Variants in PTPRD observed in about 807,000 individuals in gnomAD.
PTPRD encodes receptor-type tyrosine-protein phosphatase delta.
PTPRD carries 34 observed loss-of-function variants against 214.5 expected under a neutral mutation model. That is an observed-to-expected ratio of 0.16 (90% CI 0.12 to 0.21). The LOEUF (loss-of-function observed/expected upper bound fraction) is 0.21. PTPRD is among the 10% of genes least tolerant of loss of function. The pLI is 1.00. For missense variants in PTPRD, 2,545 were observed against 2,398.7 expected (o/e 1.06, Z -1.27); for synonymous variants, 1,128 against 845.7 (o/e 1.33, Z -5.79).
chr9:9,972,724 A>T (rs1306023987), intron 4 of PTPRD, among the ~76,000 whole-genome samples: 1 of 151,972 alleles, frequency 6.6e-6, no homozygotes, highest in African/African-American at 2.4e-5. Flanking sequence ...CCATTTCCTT[A>T]CCTTTTTCAG....
Position 8,674,456 on chromosome 9 carries a change from C to CA in PTPRD, c.65-37613dup, listed in dbSNP as rs57588808. Among the ~76,000 whole-genome samples the CA allele has an allele frequency of 6.0e-3, 377 of 62,334 alleles. 29 individuals carry two copies. The highest frequency in any genetic ancestry group is 9.7e-3 in the African/African-American group (149 of 15,326). 40.9% of individuals were successfully genotyped at this position (62,334 alleles called of 152,430 possible). A position where few individuals can be genotyped will look rare whatever the true frequency, so the allele number is the denominator to read the frequency against. ...CTGGTGGCAGAGCAAGACGCTGTCT[C>CA]AAAAAAAAAAAAAAAAAAAAAAAAA... is the stretch of plus-strand genomic sequence containing the variant. On this transcript the variant is annotated intron_variant, in intron 12 of 45. Transcript: ENST00000381196.
At chr9:10,459,840 G>T (rs1000112042) in intron 2 of PTPRD, among the ~76,000 whole-genome samples, 1 of 151,520 alleles carries the variant, frequency 6.6e-6, no homozygotes, top group Non-Finnish European at 1.5e-5. Flanking sequence ...AAATTTATCA[G>T]TATTTTAATT....
intron 12 of PTPRD, among the ~76,000 whole-genome samples, chr9:8,696,582 G>A (rs1237247360): frequency 2.6e-5 from 4 of 152,122 alleles, no homozygotes; most frequent in Non-Finnish European, 4.4e-5. Flanking sequence ...AGAAGAGGGG[G>A]CAGGGGAGAA....
rs142397137 is a variant in PTPRD, at chr9:8,486,232, C to A, written c.2585G>T (p.Arg862Leu). ...PLQGYRLKFGRKDMEPLTTLE... is the reference protein window; with the variant it reads ...PLQGYRLKFGLKDMEPLTTLE... ...AGTAGTAAGTGGCTCCATATCCTTG[C>A]GGCCAAATTTTAGACGGTAGCCCTG... Residue 862 changes from arginine to leucine, a missense_variant, in exon 28 of 46, where the codon CGC (arginine) becomes CTC (leucine). Coordinates refer to ENST00000381196, the MANE Select transcript of PTPRD (RefSeq NM_002839.4). The A allele has an allele frequency of 3.5e-5, 56 of 1,614,034 alleles. No homozygotes were observed. Among genetic ancestry groups the A allele is most frequent in the Admixed American group, 3.3e-4 (20 of 60,000 alleles).
intron 11 of PTPRD, among the ~76,000 whole-genome samples, chr9:8,792,713 A>C (rs758073061): frequency 1.6e-4 from 24 of 152,180 alleles, no homozygotes; most frequent in Non-Finnish European, 2.6e-4. Flanking sequence ...AAATTTAACT[A>C]TTGATAGAAG....
chr9:10,484,848 C>A (rs533031738), intron 2 of PTPRD, among the ~76,000 whole-genome samples: 2 of 151,812 alleles, frequency 1.3e-5, no homozygotes, highest in Non-Finnish European at 2.9e-5. Context: ...CTTTGCTGTG[C>A]AGAAGCTCTA....
At chr9:10,571,521 A>C (rs2067430385) in intron 2 of PTPRD, among the ~76,000 whole-genome samples, 1 of 152,150 alleles carries the variant, frequency 6.6e-6, no homozygotes, top group South Asian at 2.1e-4. Context: ...AGGTTCCCTT[A>C]CTTATTGGAT....
In PTPRD at chr9:10,236,621, T is replaced by A. The variant is rs1327737841; in HGVS notation, c.-545+104342A>T. On this transcript the variant is annotated intron_variant, in intron 3 of 45. Transcript: ENST00000381196. The stretch of plus-strand genomic sequence containing the variant: ...ATATAATAAGTTATTATATTTTCTA[T>A]ATGGTGGATCATTCTGCAAAACCTA... Among the ~76,000 whole-genome samples the A allele has an allele frequency of 5.9e-5, 9 of 151,990 alleles. No homozygotes were observed. In the East Asian group the frequency reaches 1.7e-3, roughly 30 times the overall value.
intron 11 of PTPRD, among the ~76,000 whole-genome samples, chr9:8,819,904 C>A (rs951884985): frequency 2.0e-5 from 3 of 152,198 alleles, no homozygotes; most frequent in South Asian, 2.1e-4. Context: ...CTTGTCCACA[C>A]AATCATATGC....
chr9:8,579,171 CACA>C (rs932120732), intron 14 of PTPRD, among the ~76,000 whole-genome samples: 2 of 152,166 alleles, frequency 1.3e-5, no homozygotes, highest in South Asian at 2.1e-4. Flanking sequence ...ATAGAAACAA[CACA>C]ACATTTTCTT....
rs2094804481 is a variant in PTPRD at position 8,428,047 on chromosome 9, A to C, written c.4086+8545T>G. On this transcript the variant is annotated intron_variant, in intron 35 of 45. Coordinates refer to ENST00000381196, the MANE Select transcript of PTPRD (RefSeq NM_002839.4). ...TGACTGCTTCTTTATATAGAGATGA[A>C]CAAACTAAAATACAGAGAGGTTCAG... 2.6e-5 allele frequency among the ~76,000 whole-genome samples: 4 copies of C among 152,198 alleles called. No homozygotes were observed. The South Asian group carries it at 8.3e-4, about 32-fold the overall frequency.
intron 4 of PTPRD, among the ~76,000 whole-genome samples, chr9:9,989,926 T>C (rs913053130): frequency 6.6e-6 from 1 of 152,172 alleles, no homozygotes; most frequent in Admixed American, 6.5e-5. Flanking sequence ...GTTTGAGCAC[T>C]GTGGGCTGAG....
chr9:9,943,218 A>T (rs545441338), intron 4 of PTPRD, among the ~76,000 whole-genome samples: 1 of 152,302 alleles, frequency 6.6e-6, no homozygotes, highest in Admixed American at 6.5e-5. Flanking sequence ...AATAGGCAGG[A>T]TTCATCTCCT....
At chr9:8,345,837 T>G (rs1372498670) in intron 39 of PTPRD, among the ~76,000 whole-genome samples, 1 of 152,034 alleles carries the variant, frequency 6.6e-6, no homozygotes, top group African/African-American at 2.4e-5. Flanking sequence ...TTGACTCCAG[T>G]GCTAATTCTC....
chr9:10,337,529 C>T (rs535367440), intron 3 of PTPRD, among the ~76,000 whole-genome samples: 37 of 151,744 alleles, frequency 2.4e-4, no homozygotes, highest in Non-Finnish European at 4.4e-4. Flanking sequence ...TGTGCTCTAA[C>T]AAACTTTAAT....
intron 10 of PTPRD, among the ~76,000 whole-genome samples, chr9:9,171,818 A>C (rs1367201402): frequency 6.6e-6 from 1 of 152,144 alleles, no homozygotes; most frequent in Admixed American, 6.6e-5. Flanking sequence ...TCATAGAATA[A>C]ATCTCCACAA....
At chr9:10,424,850 T>C (rs76137259) in intron 2 of PTPRD, among the ~76,000 whole-genome samples, 2,360 of 152,112 alleles carry the variant, frequency 0.016, 63 homozygotes, top group African/African-American at 0.054. Flanking sequence ...CTGAATAGCA[T>C]GCTGGTTCTA....
chr9:9,528,934 G>C (rs142999849), intron 8 of PTPRD, among the ~76,000 whole-genome samples: 4,463 of 145,302 alleles, frequency 0.031, 243 homozygotes, highest in African/African-American at 0.11. Context: ...TTCTTTGTTT[G>C]TTTCTTTTTT....
At chr9:8,908,471 A>C (rs1301866065) in intron 11 of PTPRD, among the ~76,000 whole-genome samples, 1 of 152,178 alleles carries the variant, frequency 6.6e-6, no homozygotes, top group Non-Finnish European at 1.5e-5. Context: ...TACAGAAATT[A>C]AACAGCACAT....
Sources: gnomAD v4.1 joint callset for allele counts (sites outside exome capture counted in the v4.1 genomes callset) on GRCh38, gnomAD v4.1.1 for gene constraint, MANE v1.5 for transcripts, NCBI Gene and HGNC (gene_info 2026-07-23, HGNC 2026-07-21) for gene names.